Variants in SLIT3 observed in about 807,000 individuals in gnomAD.
SLIT3 encodes slit homolog 3 protein.
In SLIT3, 68 loss-of-function variants were observed where a neutral mutation model predicts 184.0. That is an observed-to-expected ratio of 0.37 (90% CI 0.30 to 0.45). The LOEUF is 0.45. Ranked by LOEUF, SLIT3 falls within the 20% of genes least tolerant of loss-of-function variation. SLIT3 has a pLI of 1.00. For synonymous variants in SLIT3, 831 were observed against 828.6 expected (o/e 1.00, Z -0.05); for missense variants, 1,707 against 2,026.0 (o/e 0.84, Z 3.02).
chr5:168,804,330 A>ACAAAC (rs1554143154), intron 9 of SLIT3, among the ~76,000 whole-genome samples: 1 of 129,122 alleles, frequency 7.7e-6, no homozygotes, highest in Non-Finnish European at 1.7e-5. Flanking sequence ...AAAAAAAAAA[A>ACAAAC]AAAAAAAAAG....
chr5:169,179,276 C>CCT (rs1554104704), intron 4 of SLIT3, among the ~76,000 whole-genome samples: 11 of 125,048 alleles, frequency 8.8e-5, no homozygotes, highest in African/African-American at 3.2e-4. Context: ...ATTCCTTTTT[C>CCT]TTTTTTTTTT....
chr5:168,766,534 T>C (rs1755351350), intron 14 of SLIT3, among the ~76,000 whole-genome samples: 1 of 152,182 alleles, frequency 6.6e-6, no homozygotes, highest in South Asian at 2.1e-4. Context: ...TAGTAAGCTA[T>C]CCCCTTTGGA....
rs899753279 is a variant in SLIT3, at chr5:169,006,605, T to TCTCTCTCTCACA, written c.414-123270_414-123269insTGTGAGAGAGAG. 2.1e-5 allele frequency among the ~76,000 whole-genome samples: 3 copies of TCTCTCTCTCACA among 145,882 alleles called. 1 individual carries two copies. Among genetic ancestry groups the TCTCTCTCTCACA allele is most frequent in the African/African-American group, 5.1e-5 (2 of 39,268 alleles). On this transcript the variant is annotated intron_variant, in intron 4 of 35. Transcript: ENST00000519560. ...CTCTCTCTCTCTCTCTCTCTCTCTC[T>TCTCTCTCTCACA]CACACACACACACACACACACACAC...
chr5:168,794,349 T>C (rs1756490720), intron 10 of SLIT3, among the ~76,000 whole-genome samples: 1 of 104,526 alleles, frequency 9.6e-6, no homozygotes, highest in African/African-American at 5.5e-5. Context: ...GGAGTATCTG[T>C]GCAGAACTGA....
chr5:169,220,318 GA>G (rs34319698), intron 3 of SLIT3, among the ~76,000 whole-genome samples: 291 of 128,930 alleles, frequency 2.3e-3, no homozygotes, highest in Middle Eastern at 3.9e-3. Flanking sequence ...TAGCCAAATG[GA>G]AAAAAAAAAA....
intron 5 of SLIT3, among the ~76,000 whole-genome samples, chr5:168,868,962 TATCA>T (rs1759413795): frequency 6.6e-6 from 1 of 152,000 alleles, no homozygotes; most frequent in South Asian, 2.1e-4. Flanking sequence ...GGTGGCCACA[TATCA>T]ATGGGACTCC....
At chr5:168,695,468 A>G (rs1762030997) in intron 28 of SLIT3, among the ~76,000 whole-genome samples, 1 of 152,194 alleles carries the variant, frequency 6.6e-6, no homozygotes, top group Non-Finnish European at 1.5e-5. Context: ...GAAGGTTATT[A>G]TTATATGCAG....
At position 168,662,764 on chromosome 5, in the gene SLIT3, A is replaced by G. The variant is rs945645056; in HGVS notation, c.*3690T>C. The stretch of plus-strand genomic sequence containing the variant: ...CTTTCCTGAATCCTGCTCAGGGGGG[A>G]CACAGCTTGAGCGGCCTCTTCTGCC... On this transcript the variant is annotated 3_prime_UTR_variant, in exon 36 of 36. Transcript: ENST00000519560. The G allele has an allele frequency of 6.6e-6, 1 of 152,060 alleles. No individual in the cohort carries two copies. The highest frequency in any genetic ancestry group is 6.6e-5 in the Admixed American group (1 of 15,254). 9.4% of individuals were successfully genotyped at this position (152,060 alleles called of 1,614,324 possible). A position where few individuals can be genotyped will look rare whatever the true frequency, so the allele number is the denominator to read the frequency against.
Position 168,838,971 on chromosome 5 carries a change from C to T in SLIT3, c.557+5613G>A, listed in dbSNP as rs141314077. 5.0e-3 allele frequency among the ~76,000 whole-genome samples: 768 copies of T among 152,210 alleles called. 5 individuals carry two copies. The highest frequency in any genetic ancestry group is 0.017 in the African/African-American group (714 of 41,532). On this transcript the variant is annotated intron_variant, in intron 6 of 35. Transcript: ENST00000519560. ...GGAACAAGAACCAGGGCAGGTGGGG[C>T]GGCTCTTGTGATGAAGACGTGGAGC... is the stretch of plus-strand genomic sequence containing the variant.
At chr5:169,242,369 A>C (rs1394714194) in intron 3 of SLIT3, among the ~76,000 whole-genome samples, 46 of 152,150 alleles carry the variant, frequency 3.0e-4, no homozygotes, top group Non-Finnish European at 4.4e-5. Context: ...TGTTTCCTCT[A>C]CTTCCTGGGC....
At chr5:169,203,633 C>T (rs1375427191) in intron 3 of SLIT3, among the ~76,000 whole-genome samples, 2 of 152,174 alleles carry the variant, frequency 1.3e-5, no homozygotes, top group East Asian at 3.9e-4. Flanking sequence ...TTTGCACATG[C>T]TCTTCCCTTC....
chr5:168,987,880 C>G (rs890517501), intron 4 of SLIT3, among the ~76,000 whole-genome samples: 1 of 152,214 alleles, frequency 6.6e-6, no homozygotes, highest in Admixed American at 6.5e-5. Flanking sequence ...GACTGAATAT[C>G]CTCATAGGCC....
At chr5:168,674,115 T>G (rs888051895) in intron 32 of SLIT3, among the ~76,000 whole-genome samples, 10 of 152,194 alleles carry the variant, frequency 6.6e-5, no homozygotes, top group Admixed American at 5.2e-4. Flanking sequence ...TTGTCCCCCC[T>G]AAGGTCACCT....
chr5:169,093,209 T>C (rs1759653245), intron 4 of SLIT3, among the ~76,000 whole-genome samples: 1 of 152,158 alleles, frequency 6.6e-6, no homozygotes. Flanking sequence ...CTCTTGCTTC[T>C]TCTTTACTGG....
intron 4 of SLIT3, among the ~76,000 whole-genome samples, chr5:168,903,744 A>G (rs1760948148): frequency 6.6e-6 from 1 of 152,066 alleles, no homozygotes; most frequent in Non-Finnish European, 1.5e-5. Context: ...ACCTCCCACT[A>G]TGATCCCCCT....
chr5:168,884,505 T>TAA (rs1256663145), intron 4 of SLIT3, among the ~76,000 whole-genome samples: 1 of 41,260 alleles, frequency 2.4e-5, no homozygotes, highest in African/African-American at 6.6e-5. Flanking sequence ...AATATTAAGG[T>TAA]AAAAAAAAAA....
In SLIT3 at chr5:168,753,732, A is replaced by G. The variant is rs1754797455; in HGVS notation, c.1829+132T>C. 30 of 1,070,458 alleles carry G rather than the reference A, an allele frequency of 2.8e-5. No homozygotes were observed. The South Asian group carries it at 3.6e-4, about 13-fold the overall frequency. The allele number at this position is 1,070,458 out of a possible 1,614,324, so 66.3% of individuals were successfully genotyped here. On this transcript the variant is annotated intron_variant, in intron 17 of 35. Transcript: ENST00000519560. ...GGCTCCAGAATGTCTGATGACTCTGACTCCAGGAAGAGAGGGATTCAGCAG... is the reference window on the plus strand; with the variant it reads ...GGCTCCAGAATGTCTGATGACTCTGGCTCCAGGAAGAGAGGGATTCAGCAG...
At chr5:168,968,073 C>T (rs1230891148) in intron 4 of SLIT3, among the ~76,000 whole-genome samples, 1 of 152,160 alleles carries the variant, frequency 6.6e-6, no homozygotes, top group Non-Finnish European at 1.5e-5. Context: ...CCTTACCATT[C>T]TCCTCCCTGA....
At chr5:168,738,807 G>A (rs1365393963) in intron 20 of SLIT3, among the ~76,000 whole-genome samples, 2 of 151,940 alleles carry the variant, frequency 1.3e-5, no homozygotes, top group East Asian at 3.9e-4. Context: ...GCGCGGTGGC[G>A]GGCGCCTGTA....
Sources: gnomAD v4.1 joint callset for allele counts (sites outside exome capture counted in the v4.1 genomes callset) on GRCh38, gnomAD v4.1.1 for gene constraint, MANE v1.5 for transcripts, NCBI Gene and HGNC (gene_info 2026-07-23, HGNC 2026-07-21) for gene names.